CSMD1: variants seen among roughly 807,000 people sequenced by gnomAD.
CSMD1 encodes CUB and sushi domain-containing protein 1.
A neutral mutation model predicts 417.5 loss-of-function variants in CSMD1; 213 were observed. The observed-to-expected ratio is 0.51, with a 90% confidence interval of 0.46 to 0.57. The LOEUF (loss-of-function observed/expected upper bound fraction) is 0.57, where lower values mean the gene tolerates loss of function less well. CSMD1 is among the 20% of genes least tolerant of loss of function. The pLI is 0.00. For synonymous variants in CSMD1, 2,862 were observed against 1,736.8 expected, an observed-to-expected ratio of 1.65 and a Z score of -16.11; for missense variants, 6,923 against 4,529.7, an observed-to-expected ratio of 1.53 and a Z score of -15.17.
At chr8:4,089,684 T>C (rs185145965) in intron 3 of CSMD1, among the ~76,000 whole-genome samples, 5 of 152,296 alleles carry the variant, frequency 3.3e-5, no homozygotes, top group East Asian at 3.9e-4. Context: ...GCTTAACATA[T>C]AGAATGTGCC....
At chr8:4,893,550 A>G (rs1370757) in intron 1 of CSMD1, among the ~76,000 whole-genome samples, 134,376 of 152,150 alleles carry the variant, frequency 0.88, 59,467 homozygotes, top group East Asian at 0.97. Flanking sequence ...TGTTTTCCTC[A>G]AACCCAGATG....
At chr8:4,687,087 C>A (rs906981927) in intron 1 of CSMD1, among the ~76,000 whole-genome samples, 2 of 152,200 alleles carry the variant, frequency 1.3e-5, no homozygotes, top group African/African-American at 4.8e-5. Flanking sequence ...GGCCCCTGTG[C>A]AGGCTAACTC....
chr8:3,156,414 CA>C (rs1339664118), intron 39 of CSMD1, among the ~76,000 whole-genome samples: 1 of 152,144 alleles, frequency 6.6e-6, no homozygotes, highest in Non-Finnish European at 1.5e-5. Context: ...GCTGAAGATA[CA>C]GAGGTGAGTA....
chr8:4,389,538 G>T (rs1213673900), intron 3 of CSMD1, among the ~76,000 whole-genome samples: 1 of 152,012 alleles, frequency 6.6e-6, no homozygotes, highest in African/African-American at 2.4e-5. Flanking sequence ...CTCAGCAGAA[G>T]ACACTAAAAT....
At chr8:3,767,865 T>A (rs1285351369) in intron 5 of CSMD1, among the ~76,000 whole-genome samples, 5 of 152,060 alleles carry the variant, frequency 3.3e-5, no homozygotes, top group Non-Finnish European at 7.4e-5. Flanking sequence ...AATAAATACG[T>A]CTATTTATTT....
chr8:4,821,085 T>C (rs1447902520), intron 1 of CSMD1, among the ~76,000 whole-genome samples: 1 of 152,026 alleles, frequency 6.6e-6, no homozygotes, highest in African/African-American at 2.4e-5. Flanking sequence ...TCCTTAAGTG[T>C]AAAAAGATAC....
intron 1 of CSMD1, among the ~76,000 whole-genome samples, chr8:4,929,252 G>A (rs1283839629): frequency 6.6e-6 from 1 of 152,106 alleles, no homozygotes; most frequent in Non-Finnish European, 1.5e-5. Flanking sequence ...AGGCTGCAGA[G>A]AAACCAAACC....
intron 28 of CSMD1, among the ~76,000 whole-genome samples, 199 bp downstream of exon 28, chr8:3,223,530 C>T (rs1039744506): frequency 2.0e-5 from 3 of 152,248 alleles, no homozygotes; most frequent in African/African-American, 7.2e-5. Context: ...AATTCAAGTG[C>T]ATCTTAAGTA....
intron 10 of CSMD1, among the ~76,000 whole-genome samples, chr8:3,510,793 C>G (rs1027599805): frequency 1.3e-5 from 2 of 151,714 alleles, no homozygotes; most frequent in African/African-American, 4.9e-5. Context: ...GTTTATTAGC[C>G]GCATAAATGT....
chr8:4,785,948 T>A (rs1197015308), intron 1 of CSMD1, among the ~76,000 whole-genome samples: 2 of 152,050 alleles, frequency 1.3e-5, no homozygotes, highest in Non-Finnish European at 2.9e-5. Context: ...TGAATTAAAG[T>A]TTTCAACAAT....
intron 11 of CSMD1, among the ~76,000 whole-genome samples, chr8:3,491,279 G>A (rs147399905): frequency 6.6e-6 from 1 of 152,110 alleles, no homozygotes; most frequent in African/African-American, 2.4e-5. Flanking sequence ...ATGTACACTA[G>A]GTTTGTGAAC....
At chr8:4,206,355 C>T (rs925315976) in intron 3 of CSMD1, among the ~76,000 whole-genome samples, 12 of 152,096 alleles carry the variant, frequency 7.9e-5, no homozygotes, top group Admixed American at 1.3e-4. Context: ...TCCCCCCAAC[C>T]CACCACAGGC....
In CSMD1 at chr8:4,853,180, G is replaced by A. The variant is rs189319994; in HGVS notation, c.85+141152C>T. Among the ~76,000 whole-genome samples, 13 of 152,270 alleles carry A rather than the reference G, an allele frequency of 8.5e-5. No individual in the cohort carries two copies. In the East Asian group the frequency reaches 2.5e-3, roughly 29 times the overall value. On this transcript the variant is annotated intron_variant, in intron 1 of 69. Transcript: ENST00000635120. ...TAGAGAGATTTGCATGACTAAAAGG[G>A]ACCCAGGTGCTGCTAGCCAAGACAA... is the stretch of plus-strand genomic sequence containing the variant.
intron 50 of CSMD1, among the ~76,000 whole-genome samples, chr8:3,047,521 C>T (rs1393762151): frequency 6.6e-6 from 1 of 152,180 alleles, no homozygotes; most frequent in Non-Finnish European, 1.5e-5. Context: ...GAGTACACAG[C>T]TCCTGCCTGT....
At chr8:4,832,370 T>G (rs1056290535) in intron 1 of CSMD1, among the ~76,000 whole-genome samples, 4 of 152,166 alleles carry the variant, frequency 2.6e-5, no homozygotes, top group Non-Finnish European at 4.4e-5. Flanking sequence ...GGCAATGAAC[T>G]TGACACATGA....
intron 3 of CSMD1, among the ~76,000 whole-genome samples, chr8:4,035,446 G>T (rs963583857): frequency 1.3e-5 from 2 of 152,166 alleles, no homozygotes; most frequent in African/African-American, 2.4e-5. Flanking sequence ...CCTTCAGGAA[G>T]GATTCCAAAA....
At chr8:4,334,808 C>A (rs1478074272) in intron 3 of CSMD1, among the ~76,000 whole-genome samples, 1 of 152,036 alleles carries the variant, frequency 6.6e-6, no homozygotes, top group African/African-American at 2.4e-5. Context: ...TGACAAAATG[C>A]CATATATTCG....
intron 1 of CSMD1, among the ~76,000 whole-genome samples, chr8:4,888,039 G>T (rs1803868518): frequency 6.6e-6 from 1 of 151,676 alleles, no homozygotes; most frequent in Non-Finnish European, 1.5e-5. Context: ...ACCCATATAT[G>T]CCACTTCTAG....
At chr8:3,967,947 C>G (rs939986576) in intron 5 of CSMD1, among the ~76,000 whole-genome samples, 8 of 146,252 alleles carry the variant, frequency 5.5e-5, no homozygotes, top group African/African-American at 2.1e-4. Flanking sequence ...GTGTGCGGAT[C>G]ACGAGGTCAG....
Sources: allele counts gnomAD v4.1 joint callset (sites outside exome capture counted in the v4.1 genomes callset), GRCh38; gene constraint gnomAD v4.1.1; transcripts MANE v1.5; gene names NCBI Gene and HGNC (gene_info 2026-07-23, HGNC 2026-07-21).